Variants in IP6K2 observed in about 807,000 individuals in gnomAD.
IP6K2 encodes ATP:1D-myo-inositol-hexakisphosphate phosphotransferase.
A neutral mutation model predicts 43.3 loss-of-function variants in IP6K2; 9 were observed. The observed-to-expected ratio is 0.21, with a 90% confidence interval of 0.13 to 0.36. IP6K2 has a LOEUF of 0.36. Among genes scored for constraint, IP6K2 ranks in the 10% least tolerant of loss-of-function variants. The pLI, the probability that IP6K2 is intolerant of heterozygous loss-of-function variation, is 1.00. For missense variants in IP6K2, 332 were observed against 538.4 expected, an observed-to-expected ratio of 0.62 and a Z score of 3.79; for synonymous variants, 209 against 202.4, an observed-to-expected ratio of 1.03 and a Z score of -0.28.
Position 48,695,581 on chromosome 3 carries a change from A to C in IP6K2, c.-130-160T>G. ...CACCTTGGCCCCCGCCTTCTCCGGCAGAAAAACAAAAACACTATGAGCTCA... is the reference window on the plus strand; with the variant it reads ...CACCTTGGCCCCCGCCTTCTCCGGCCGAAAAACAAAAACACTATGAGCTCA... On this transcript the variant is annotated intron_variant, in intron 1 of 5. Coordinates refer to ENST00000328631, the MANE Select transcript of IP6K2 (RefSeq NM_016291.4). This position sits in a 1 kb window ranked among gnomAD's most constrained non-coding sequence, Gnocchi z 4.6. The C allele has an allele frequency of 1.0e-6, 1 of 979,632 alleles. No individual in the cohort carries two copies. The allele number at this position is 979,632 out of a possible 1,614,324, so 60.7% of individuals were successfully genotyped here.
rs539451553 is a variant in IP6K2 at position 48,700,955 on chromosome 3, C to T, written c.-130-5534G>A. On this transcript the variant is annotated intron_variant, in intron 1 of 5. Coordinates refer to ENST00000328631, the MANE Select transcript of IP6K2 (RefSeq NM_016291.4). ...CAAGCCAGGGTTAATTATGCAATGC[C>T]TCATACATTGCTGGTAGCAATGCAA... is the stretch of plus-strand genomic sequence containing the variant. Among the ~76,000 whole-genome samples, 5 of 152,326 alleles carry T rather than the reference C, an allele frequency of 3.3e-5. No individual in the cohort carries two copies. In the South Asian group the frequency reaches 1.0e-3, roughly 32 times the overall value.
rs369724434 is a variant in IP6K2, at chr3:48,688,232, G to A, written c.*41C>T. 125 of 1,596,206 alleles carry A rather than the reference G, an allele frequency of 7.8e-5. No homozygotes were observed. In the African/African-American group the frequency reaches 1.5e-3, roughly 19 times the overall value. On this transcript the variant is annotated 3_prime_UTR_variant, in exon 6 of 6. Transcript: ENST00000328631. The surrounding 1 kb of genome is among the most constrained non-coding windows in gnomAD (Gnocchi z 5.1). ...CCCTGACGCAGCACAGCTGTGCCTG[G>A]GACACAGAGTCGCTCTCAAGTACTG...
intron 1 of IP6K2, among the ~76,000 whole-genome samples, chr3:48,698,330 C>T (rs2078640145): frequency 6.6e-6 from 1 of 152,208 alleles, no homozygotes; most frequent in Admixed American, 6.5e-5. Context: ...GCACAAGATG[C>T]TCCTCATGGG....
chr3:48,696,898 G>C (rs1252702223), intron 1 of IP6K2, among the ~76,000 whole-genome samples: 2 of 152,186 alleles, frequency 1.3e-5, no homozygotes, highest in African/African-American at 4.8e-5. Flanking sequence ...AAACAATGAA[G>C]GTGATTAGAG....
rs1469407142 is a variant in IP6K2, at chr3:48,689,778, G to T, written c.605-65C>A. ...CTGCATGGGTCCTTGGCACTCTCAAGGTACAGTGCCTTGATGCAGTGACCC... is the reference window on the plus strand; with the variant it reads ...CTGCATGGGTCCTTGGCACTCTCAATGTACAGTGCCTTGATGCAGTGACCC... On this transcript the variant is annotated intron_variant, in intron 4 of 5. Coordinates refer to ENST00000328631, the MANE Select transcript of IP6K2 (RefSeq NM_016291.4). The T allele has an allele frequency of 3.5e-6, 5 of 1,416,976 alleles. No homozygotes were observed. The South Asian group carries it at 3.6e-5, about 10-fold the overall frequency. The allele number at this position is 1,416,976 out of a possible 1,614,324, so 87.8% of individuals were successfully genotyped here.
intron 1 of IP6K2, among the ~76,000 whole-genome samples, chr3:48,705,425 T>A: frequency 6.7e-6 from 1 of 150,040 alleles, no homozygotes; most frequent in East Asian, 2.1e-4. Flanking sequence ...ACATCTGTAA[T>A]CCCAGCACTT....
chr3:48,692,524 C>T (rs2077890619), intron 3 of IP6K2, among the ~76,000 whole-genome samples: 1 of 152,208 alleles, frequency 6.6e-6, no homozygotes, highest in African/African-American at 2.4e-5. Context: ...TTTATATATA[C>T]TATTTATATT....
Position 48,695,252 on chromosome 3 carries a change from C to T in IP6K2, c.40G>A (p.Ala14Thr), listed in dbSNP as rs766598024. 4 of 1,581,764 alleles carry T rather than the reference C, an allele frequency of 2.5e-6. No individual in the cohort carries two copies. Among genetic ancestry groups the T allele is most frequent in the African/African-American group, 1.3e-5 (1 of 74,234 alleles). ...AAGGGCTCCAGAAGGACGCCTTTGGCGCGGGGCTCCACATCCATGGCCCTG... is the reference window on the plus strand; with the variant it reads ...AAGGGCTCCAGAAGGACGCCTTTGGTGCGGGGCTCCACATCCATGGCCCTG... Reference protein sequence around the residue: ...AFRAMDVEPRAKGVLLEPFVH... With the variant: ...AFRAMDVEPRTKGVLLEPFVH... The change falls in exon 2 of 6, where the codon GCC (alanine) becomes ACC (threonine). Residue 14 changes from alanine (A) to threonine (T), a missense_variant. Ala to Thr is a moderately conservative substitution (Grantham distance 58). Coordinates refer to ENST00000328631, the MANE Select transcript of IP6K2 (RefSeq NM_016291.4). The surrounding 1 kb of genome is among the most constrained non-coding windows in gnomAD (Gnocchi z 4.6).
intron 2 of IP6K2, chr3:48,693,820 A>G (rs2078007294): frequency 1.8e-6 from 2 of 1,100,700 alleles, no homozygotes; most frequent in South Asian, 6.8e-5. Context: ...TCACAAAATA[A>G]CAAAATGAAC....
At chr3:48,703,759 A>G (rs558012649) in intron 1 of IP6K2, among the ~76,000 whole-genome samples, 213 of 151,886 alleles carry the variant, frequency 1.4e-3, no homozygotes, top group Non-Finnish European at 2.5e-3. Flanking sequence ...CTTGCTAACC[A>G]TGGAGATGAG....
chr3:48,691,142 A>T (rs2077748901), intron 4 of IP6K2, among the ~76,000 whole-genome samples, 165 bp downstream of exon 4: 1 of 152,148 alleles, frequency 6.6e-6, no homozygotes, highest in Admixed American at 6.5e-5. Flanking sequence ...CCCTGAGGGA[A>T]GTGATTATTT....
chr3:48,705,877 A>T (rs1393978508), intron 1 of IP6K2, among the ~76,000 whole-genome samples: 5 of 138,374 alleles, frequency 3.6e-5, no homozygotes, highest in East Asian at 2.2e-4. Flanking sequence ...TAAAAAAAAT[A>T]AAAAAATAAA....
intron 1 of IP6K2, among the ~76,000 whole-genome samples, chr3:48,709,747 G>C (rs954360131): frequency 4.1e-4 from 63 of 151,830 alleles, no homozygotes; most frequent in African/African-American, 1.4e-3. Context: ...TGAGGCAGGA[G>C]AATCACTTGA....
In IP6K2 at chr3:48,688,126, T is replaced by C; in HGVS notation, c.*147A>G. The C allele has an allele frequency of 1.3e-6, 1 of 755,478 alleles. No homozygotes were observed. Among genetic ancestry groups the C allele is most frequent in the East Asian group, 2.5e-5 (1 of 40,542 alleles). 46.8% of individuals were successfully genotyped at this position (755,478 alleles called of 1,614,324 possible). ...TAAAGACTCCAAGCACAGCTGGGAC[T>C]GGCTCAGGCTGGGGCTCACAGAGGC... On this transcript the variant is annotated 3_prime_UTR_variant, in exon 6 of 6. Coordinates refer to ENST00000328631, the MANE Select transcript of IP6K2 (RefSeq NM_016291.4). This position sits in a 1 kb window ranked among gnomAD's most constrained non-coding sequence, Gnocchi z 5.1.
chr3:48,694,750 G>A, intron 2 of IP6K2: 1 of 1,523,144 alleles, frequency 6.6e-7, no homozygotes. Flanking sequence ...CAAGTATTCT[G>A]GGTAAAATCC....
chr3:48,715,700 CTT>C (rs1450197288), intron 1 of IP6K2, among the ~76,000 whole-genome samples: 1 of 150,646 alleles, frequency 6.6e-6, no homozygotes, highest in Non-Finnish European at 1.5e-5. Flanking sequence ...CATTTCATTT[CTT>C]TCTCTCTCTC....
rs1452865356 is a variant in IP6K2, at chr3:48,713,002, G to A, written c.-131+4155C>T. Among the ~76,000 whole-genome samples, 10 of 152,186 alleles carry A rather than the reference G, an allele frequency of 6.6e-5. No individual in the cohort carries two copies. In the South Asian group the frequency reaches 2.1e-3, roughly 32 times the overall value. Reference sequence around the variant, plus strand: ...CACTCCAACCTGGGCAACAGAGTGAGACTCCGTCTCCAAAAACAACAATAA... The same window carrying A: ...CACTCCAACCTGGGCAACAGAGTGAAACTCCGTCTCCAAAAACAACAATAA... On this transcript the variant is annotated intron_variant, in intron 1 of 5. Transcript: ENST00000328631.
At position 48,695,012 on chromosome 3, in the gene IP6K2, G is replaced by GC; in HGVS notation, c.202+77dup. On this transcript the variant is annotated intron_variant, in intron 2 of 5. Transcript: ENST00000328631. This position sits in a 1 kb window ranked among gnomAD's most constrained non-coding sequence, Gnocchi z 4.6. ...GGAGGGAGTGAGGGCTCCAGGGATG[G>GC]CTGCCAGGGCCTTCCATGGCCACGA... 1 of 1,613,078 alleles carries GC rather than the reference G, an allele frequency of 6.2e-7. No individual in the cohort carries two copies.
intron 3 of IP6K2, among the ~76,000 whole-genome samples, chr3:48,691,835 T>A (rs1261639735): frequency 1.3e-5 from 2 of 150,886 alleles, no homozygotes; most frequent in East Asian, 3.9e-4. Flanking sequence ...AATAAATAAA[T>A]AAAATCCAGA....
Sources: allele counts gnomAD v4.1 joint callset (sites outside exome capture counted in the v4.1 genomes callset), GRCh38; gene constraint gnomAD v4.1.1; non-coding constraint Gnocchi (gnomAD v3.1); transcripts MANE v1.5; gene names NCBI Gene and HGNC (gene_info 2026-07-23, HGNC 2026-07-21).